The following SEMA3D variants were observed in gnomAD, a reference collection of about 807,000 sequenced individuals.
SEMA3D encodes semaphorin 3D.
In SEMA3D, 84 loss-of-function variants were observed where a neutral mutation model predicts 100.1. That is an observed-to-expected ratio of 0.84 (90% confidence interval 0.70 to 1.01). The LOEUF is 1.01. Among genes scored for constraint, SEMA3D ranks in the 50% least tolerant of loss-of-function variants. The pLI is 0.00. For synonymous variants in SEMA3D, 312 were observed against 320.7 expected (o/e 0.97, Z 0.29); for missense variants, 875 against 934.1 (o/e 0.94, Z 0.82).
intron 2 of SEMA3D, among the ~76,000 whole-genome samples, chr7:85,134,212 A>G (rs1004495585): frequency 1.4e-4 from 21 of 151,970 alleles, no homozygotes; most frequent in African/African-American, 5.1e-4. Context: ...TAGACTATAC[A>G]AAATAAAAGG....
chr7:85,147,521 C>T (rs1790251076), intron 2 of SEMA3D, among the ~76,000 whole-genome samples: 1 of 152,092 alleles, frequency 6.6e-6, no homozygotes, highest in Admixed American at 6.6e-5. Flanking sequence ...GTGCTGTTAG[C>T]AACCTGGTTA....
chr7:85,170,517 C>A (rs1331092681), intron 1 of SEMA3D, among the ~76,000 whole-genome samples: 3 of 151,902 alleles, frequency 2.0e-5, no homozygotes, highest in Non-Finnish European at 4.4e-5. Context: ...AGTTCTATGT[C>A]AGGCAGAGTG....
chr7:85,099,133 C>T (rs62473407), intron 3 of SEMA3D, among the ~76,000 whole-genome samples: 13,783 of 152,006 alleles, frequency 0.091, 814 homozygotes, highest in Middle Eastern at 0.14. Flanking sequence ...GCCATAAACA[C>T]CTGTGTGGAG....
chr7:85,151,138 C>T lies in SEMA3D; in HGVS notation c.-41+2470G>A, dbSNP rs768825447. 2.6e-5 allele frequency among the ~76,000 whole-genome samples: 4 copies of T among 151,330 alleles called. 1 individual carries two copies. Among genetic ancestry groups the T allele is most frequent in the South Asian group, 4.2e-4 (2 of 4,796 alleles). ...CACACCGCACATATATAATTAGAGA[C>T]GTTATCTGATATTACTGAGACTGAA... On this transcript the variant is annotated intron_variant, in intron 2 of 18. Transcript: ENST00000284136.
At chr7:85,165,057 C>T (rs1790862494) in intron 1 of SEMA3D, among the ~76,000 whole-genome samples, 1 of 149,458 alleles carries the variant, frequency 6.7e-6, no homozygotes, top group South Asian at 2.1e-4. Flanking sequence ...CCTGTGTTCT[C>T]ATTGTTCAAT....
At chr7:85,060,450 C>A (rs1189084455) in intron 8 of SEMA3D, among the ~76,000 whole-genome samples, 4 of 152,108 alleles carry the variant, frequency 2.6e-5, no homozygotes, top group African/African-American at 9.7e-5. Flanking sequence ...TTAATCAGTG[C>A]ATACTTGATC....
chr7:85,219,983 A>G, the SEMA3D span, among the ~76,000 whole-genome samples: 1 of 152,050 alleles, frequency 6.6e-6, no homozygotes, highest in Non-Finnish European at 1.5e-5. Context: ...TTAAATAAGC[A>G]AGGCTTAAAT....
chr7:85,175,129 G>T (rs941999206), intron 1 of SEMA3D, among the ~76,000 whole-genome samples: 5 of 152,308 alleles, frequency 3.3e-5, no homozygotes, highest in Admixed American at 3.3e-4. Context: ...GTAGGGGAAA[G>T]TAGGCCTGAA....
the SEMA3D span, among the ~76,000 whole-genome samples, chr7:85,213,437 A>T: frequency 6.6e-6 from 1 of 152,046 alleles, no homozygotes; most frequent in Non-Finnish European, 1.5e-5. Context: ...GATGAGCTAA[A>T]TATTAATTGC....
chr7:85,205,938 G>A, the SEMA3D span, among the ~76,000 whole-genome samples: 7 of 152,172 alleles, frequency 4.6e-5, no homozygotes, highest in African/African-American at 1.4e-4. Flanking sequence ...ATAGTCACAG[G>A]TCAGGCAGTT....
intron 12 of SEMA3D, among the ~76,000 whole-genome samples, chr7:85,029,857 A>C (rs955621870): frequency 1.3e-5 from 2 of 152,110 alleles, no homozygotes; most frequent in African/African-American, 2.4e-5. Context: ...GAAAGGAAAT[A>C]ACATTGCACT....
chr7:85,014,289 G>A (rs1790036558), intron 16 of SEMA3D, among the ~76,000 whole-genome samples: 1 of 151,734 alleles, frequency 6.6e-6, no homozygotes. Flanking sequence ...AGAAAATAAT[G>A]TTACTATAAT....
chr7:85,038,607 G>A (rs967692153), intron 11 of SEMA3D, among the ~76,000 whole-genome samples: 3 of 152,060 alleles, frequency 2.0e-5, no homozygotes, highest in African/African-American at 2.4e-5. Context: ...AGAAAAAAAC[G>A]AACTATCTTG....
chr7:85,151,208 G>A (rs1790373817), intron 2 of SEMA3D, among the ~76,000 whole-genome samples: 1 of 151,850 alleles, frequency 6.6e-6, no homozygotes, highest in South Asian at 2.1e-4. Flanking sequence ...AAAACCCTAT[G>A]TAAACCTGAA....
intron 5 of SEMA3D, among the ~76,000 whole-genome samples, chr7:85,076,664 T>C (rs1412514980): frequency 6.6e-6 from 1 of 152,218 alleles, no homozygotes; most frequent in Non-Finnish European, 1.5e-5. Context: ...GTTTTATTTT[T>C]AATGTGTGTT....
chr7:85,139,479 A>T (rs1374064515), intron 2 of SEMA3D, among the ~76,000 whole-genome samples: 4 of 152,104 alleles, frequency 2.6e-5, no homozygotes, highest in Non-Finnish European at 5.9e-5. Flanking sequence ...TTAAGTTAAG[A>T]TTTATAGCAT....
chr7:85,228,212 T>C, the SEMA3D span, among the ~76,000 whole-genome samples: 1 of 152,142 alleles, frequency 6.6e-6, no homozygotes, highest in African/African-American at 2.4e-5. Flanking sequence ...CTTGTTTTTC[T>C]TGTCAAACAT....
chr7:85,116,130 A>G (rs1015618438), intron 3 of SEMA3D, among the ~76,000 whole-genome samples: 6 of 151,252 alleles, frequency 4.0e-5, no homozygotes, highest in African/African-American at 9.7e-5. Flanking sequence ...TAAGTACTTT[A>G]CCCTATATAA....
chr7:85,058,363 C>T (rs1034536033), intron 8 of SEMA3D, among the ~76,000 whole-genome samples: 2 of 152,052 alleles, frequency 1.3e-5, no homozygotes, highest in Admixed American at 6.6e-5. Context: ...TAGTAAATCA[C>T]GAATACTTGG....
Sources: allele counts gnomAD v4.1 joint callset (sites outside exome capture counted in the v4.1 genomes callset), GRCh38; gene constraint gnomAD v4.1.1; transcripts MANE v1.5; gene names NCBI Gene and HGNC (gene_info 2026-07-23, HGNC 2026-07-21).